LMO7: variants seen among roughly 807,000 people sequenced by gnomAD.
LMO7 encodes LIM domain only protein 7.
In LMO7, 120 loss-of-function variants were observed where a neutral mutation model predicts 206.5. The ratio of observed to expected loss-of-function variants is 0.58; its 90% CI spans 0.50 to 0.68. The LOEUF (loss-of-function observed/expected upper bound fraction) is 0.68, where lower values mean the gene tolerates loss of function less well. LMO7 is among the 30% of genes least tolerant of loss of function. LMO7 has a pLI of 0.00. For synonymous variants in LMO7, 706 were observed against 681.5 expected (o/e 1.04, Z -0.56); for missense variants, 1,959 against 1,957.9 (o/e 1.00, Z -0.01).
chr13:75,730,939 TTGAG>T (rs2045128461), intron 3 of LMO7, among the ~76,000 whole-genome samples: 1 of 145,776 alleles, frequency 6.9e-6, no homozygotes, highest in Admixed American at 6.9e-5. Context: ...TTGAGCGGTT[TTGAG>T]TGAGTTTCTT....
chr13:75,847,815 G>A lies in LMO7; in HGVS notation c.4151-1264G>A, dbSNP rs945984327. Among the ~76,000 whole-genome samples the A allele has an allele frequency of 3.3e-5, 5 of 152,228 alleles. No homozygotes were observed. In the South Asian group the frequency reaches 6.2e-4, roughly 19 times the overall value. ...TTTCCCAAGTGTGTTCTGTGGTGTG[G>A]CTCTGGCTGTGGAACTGGACTTTCT... On this transcript the variant is annotated intron_variant, in intron 26 of 30. Coordinates refer to ENST00000377534, the MANE Select transcript of LMO7 (RefSeq NM_001306080.2).
At position 75,840,396 on chromosome 13, in the gene LMO7, A is replaced by G; in HGVS notation, c.3483A>G (p.Pro1161=). 1 of 1,614,048 alleles carries G rather than the reference A, an allele frequency of 6.2e-7. No homozygotes were observed. The highest frequency in any genetic ancestry group is 1.7e-4 in the Middle Eastern group (1 of 6,054). ...CTTCTCTGATAACTGGTTAGCTTCC[A>G]GTTCCAACCATCAGTGCCCCGAGTC... is the stretch of plus-strand genomic sequence containing the variant. The part of the protein sequence containing the change: ...GSSDSVVPDL[P]VPTISAPSRW... The change falls in exon 22 of 31, where the codon CCA becomes CCG. Residue 1161 remains proline (P), a synonymous_variant. Transcript: ENST00000377534.
intron 25 of LMO7, among the ~76,000 whole-genome samples, chr13:75,843,689 A>T (rs2059734969): frequency 6.6e-6 from 1 of 152,216 alleles, no homozygotes; most frequent in Admixed American, 6.5e-5. Flanking sequence ...TTCCTAAAAC[A>T]TTGTTTTAAT....
chr13:75,821,472 A>G lies in LMO7; in HGVS notation c.2503A>G (p.Met835Val), dbSNP rs771439389. Residue 835 changes from methionine (M) to valine (V), a missense_variant, in exon 14 of 31, where the codon ATG becomes GTG. Transcript: ENST00000377534. Reference sequence around the variant, plus strand: ...TTCTCTGCGTTCACGGAGCACACAAATGGAATCAACTCGTGTTTCAGCTTC... The same window carrying G: ...TTCTCTGCGTTCACGGAGCACACAAGTGGAATCAACTCGTGTTTCAGCTTC... Reference protein sequence around the residue: ...LSSLRSRSTQMESTRVSASLP... With the variant: ...LSSLRSRSTQVESTRVSASLP... The G allele has an allele frequency of 1.9e-6, 3 of 1,614,048 alleles. No individual in the cohort carries two copies. The highest frequency in any genetic ancestry group is 1.7e-6 in the Non-Finnish European group (2 of 1,180,016).
rs145062086 is a variant in LMO7, at chr13:75,693,111, G to A, written c.70-20071G>A. Among the ~76,000 whole-genome samples, 179 of 152,318 alleles carry A rather than the reference G, an allele frequency of 1.2e-3. 1 individual carries two copies. Among genetic ancestry groups the A allele is most frequent in the African/African-American group, 4.1e-3 (170 of 41,570 alleles). The stretch of plus-strand genomic sequence containing the variant: ...CACTGAAGCTATAATTTTGGGTCAA[G>A]TGTATGGGTAGCTGTATTATCTGGC... On this transcript the variant is annotated intron_variant, in intron 1 of 30. Transcript: ENST00000377534.
intron 15 of LMO7, among the ~76,000 whole-genome samples, chr13:75,825,551 C>A (rs971211699): frequency 6.6e-6 from 1 of 152,042 alleles, no homozygotes; most frequent in Non-Finnish European, 1.5e-5. Context: ...TTCTTTGTTC[C>A]CAAACTTGAG....
chr13:75,697,374 A>G (rs1234136772), intron 1 of LMO7, among the ~76,000 whole-genome samples: 1 of 152,168 alleles, frequency 6.6e-6, no homozygotes, highest in Non-Finnish European at 1.5e-5. Flanking sequence ...ATGGTGGAAG[A>G]TGAAGGATGA....
chr13:75,694,779 A>G (rs1156867075), intron 1 of LMO7, among the ~76,000 whole-genome samples: 3 of 152,154 alleles, frequency 2.0e-5, no homozygotes, highest in African/African-American at 7.2e-5. Flanking sequence ...GCAAATGCTC[A>G]CCTGGGAGCA....
chr13:75,702,529 C>T (rs1011253735), intron 1 of LMO7, among the ~76,000 whole-genome samples: 1 of 152,042 alleles, frequency 6.6e-6, no homozygotes, highest in Non-Finnish European at 1.5e-5. Flanking sequence ...TAGTATACTC[C>T]CCAATATTAT....
intron 8 of LMO7, chr13:75,805,081 A>T: frequency 9.9e-7 from 1 of 1,013,990 alleles, no homozygotes; most frequent in Non-Finnish European, 1.2e-6. Flanking sequence ...AAAATCACCT[A>T]TCCTAATTCT....
At chr13:75,657,639 T>A (rs951850583) in intron 1 of LMO7, among the ~76,000 whole-genome samples, 9 of 152,182 alleles carry the variant, frequency 5.9e-5, no homozygotes, top group African/African-American at 1.9e-4. Flanking sequence ...AGGACCAACT[T>A]ATGGTTTTTA....
At chr13:75,718,602 G>A (rs1174709918) in intron 2 of LMO7, among the ~76,000 whole-genome samples, 2 of 152,046 alleles carry the variant, frequency 1.3e-5, no homozygotes, top group Non-Finnish European at 2.9e-5. Flanking sequence ...CCCACCAGAG[G>A]GGTACATTGG....
chr13:75,735,725 C>T (rs564884003), intron 3 of LMO7, among the ~76,000 whole-genome samples: 5 of 151,640 alleles, frequency 3.3e-5, no homozygotes, highest in South Asian at 4.2e-4. Flanking sequence ...TTGCCCGCCT[C>T]GGCCTCCCAA....
At chr13:75,737,854 A>AAC (rs1555305878) in intron 3 of LMO7, among the ~76,000 whole-genome samples, 5 of 145,708 alleles carry the variant, frequency 3.4e-5, no homozygotes, top group African/African-American at 7.5e-5. Flanking sequence ...AAAAAAAAAA[A>AAC]AAAAAAAAAA....
chr13:75,838,309 T>C (rs1474563825), intron 20 of LMO7, 113 bp downstream of exon 20: 1 of 1,548,008 alleles, frequency 6.5e-7, no homozygotes, highest in Non-Finnish European at 8.8e-7. Context: ...TCTGTCATTA[T>C]GACCAAGCGA....
Position 75,836,395 on chromosome 13 carries a change from A to G in LMO7, c.3334-2A>G, listed in dbSNP as rs777888118. 6.5e-7 allele frequency: 1 copy of G among 1,531,554 alleles called. No homozygotes were observed. Among genetic ancestry groups the G allele is most frequent in the Non-Finnish European group, 8.9e-7 (1 of 1,119,590 alleles). The allele number at this position is 1,531,554 out of a possible 1,614,324, so 94.9% of individuals were successfully genotyped here. A position where few individuals can be genotyped will look rare whatever the true frequency, so the allele number is the denominator to read the frequency against. Reference sequence around the variant, plus strand: ...ATTAACTAGCATTTTTACCCTTTCCAGAATATTGAATCCAAAGAAATCAAT... The same window carrying G: ...ATTAACTAGCATTTTTACCCTTTCCGGAATATTGAATCCAAAGAAATCAAT... On this transcript the variant is annotated splice_acceptor_variant, in intron 18 of 30. Coordinates refer to ENST00000377534, the MANE Select transcript of LMO7 (RefSeq NM_001306080.2). LOFTEE classifies it high-confidence loss of function.
chr13:75,737,796 A>AAC (rs2046032524), intron 3 of LMO7, among the ~76,000 whole-genome samples: 5 of 127,826 alleles, frequency 3.9e-5, no homozygotes, highest in Non-Finnish European at 3.5e-5. Context: ...AAAAAAAAAA[A>AAC]AAAAACTTTT....
intron 1 of LMO7, among the ~76,000 whole-genome samples, chr13:75,622,627 G>A (rs2033463825): frequency 6.6e-6 from 1 of 152,144 alleles, no homozygotes; most frequent in Admixed American, 6.5e-5. Context: ...GATGCTTAGG[G>A]CAGGTGTCAC....
At chr13:75,788,672 C>T (rs2052801123) in intron 4 of LMO7, among the ~76,000 whole-genome samples, 1 of 151,898 alleles carries the variant, frequency 6.6e-6, no homozygotes, top group Admixed American at 6.6e-5. Flanking sequence ...AAGTTGTGAA[C>T]AGGTGGCCAA....
Sources: gnomAD v4.1 joint callset for allele counts (sites outside exome capture counted in the v4.1 genomes callset) on GRCh38, gnomAD v4.1.1 for gene constraint, MANE v1.5 for transcripts, NCBI Gene and HGNC (gene_info 2026-07-23, HGNC 2026-07-21) for gene names.